PLB1: variants seen among roughly 807,000 people sequenced by gnomAD.
The protein encoded by PLB1 is phospholipase B1, membrane-associated.
A neutral mutation model predicts 227.4 loss-of-function variants in PLB1; 242 were observed. The observed-to-expected ratio is 1.06, with a 90% confidence interval of 0.96 to 1.18. The LOEUF is 1.18. PLB1 is among the 50% of genes most tolerant of loss of function. The probability of loss-of-function intolerance (pLI) is 0.00; values close to 1 mark genes in which losing one functional copy is unlikely to be tolerated. For synonymous variants in PLB1, 757 were observed against 682.2 expected (o/e 1.11, Z -1.71); for missense variants, 1,858 against 1,816.3 (o/e 1.02, Z -0.42).
At chr2:28,524,569 G>C (rs935697957) in intron 4 of PLB1, among the ~76,000 whole-genome samples, 1 of 152,176 alleles carries the variant, frequency 6.6e-6, no homozygotes, top group Non-Finnish European at 1.5e-5. Context: ...ACATAGTTAA[G>C]TACAAAATGG....
intron 39 of PLB1, 80 bp from the exon 40 acceptor site, chr2:28,603,886 C>A: frequency 1.5e-6 from 2 of 1,353,692 alleles, no homozygotes; most frequent in Non-Finnish European, 2.1e-6. Flanking sequence ...CTCCACCCCT[C>A]CCCTGAACCT....
chr2:28,601,438 A>G, intron 37 of PLB1, 106 bp downstream of exon 37: 1 of 810,782 alleles, frequency 1.2e-6, no homozygotes, highest in South Asian at 1.5e-5. Context: ...AGGATTATCC[A>G]CCTACACCTA....
intron 25 of PLB1, among the ~76,000 whole-genome samples, chr2:28,584,786 C>G (rs1015247314): frequency 1.3e-5 from 2 of 152,186 alleles, no homozygotes; most frequent in African/African-American, 2.4e-5. Context: ...ACCAAAAGCC[C>G]AGATGTGCCA....
At position 28,625,083 on chromosome 2, in the gene PLB1, T is replaced by A; in HGVS notation, c.3554T>A (p.Leu1185Gln). The change falls in exon 50 of 58, where the codon CTG becomes CAG. Residue 1185 changes from leucine (L) to glutamine (Q), a missense_variant. By Grantham distance (113) the Leu-to-Gln change is moderately radical. Transcript: ENST00000327757. ...GACATGCCAGCCCAGGCCTGGGACC[T>A]GGTAGAGCGAATGAAAAACAGCCCC... ...ARDMPAQAWD[L>Q]VERMKNSPDI... 1 of 1,613,484 alleles carries A rather than the reference T, an allele frequency of 6.2e-7. No homozygotes were observed. Among genetic ancestry groups the A allele is most frequent in the Non-Finnish European group, 8.5e-7 (1 of 1,179,648 alleles).
At chr2:28,576,165 G>T (rs1257978198) in intron 21 of PLB1, among the ~76,000 whole-genome samples, 1 of 152,190 alleles carries the variant, frequency 6.6e-6, no homozygotes, top group Non-Finnish European at 1.5e-5. Flanking sequence ...ATCCTGGGTG[G>T]CAGGGAAAAG....
chr2:28,617,037 G>A (rs2148321917), intron 44 of PLB1, among the ~76,000 whole-genome samples: 1 of 152,224 alleles, frequency 6.6e-6, no homozygotes, highest in Non-Finnish European at 1.5e-5. Flanking sequence ...TCATTTCTAT[G>A]CCCTCTGCTT....
Position 28,603,961 on chromosome 2 carries a change from T to A in PLB1, c.2775-5T>A, listed in dbSNP as rs188865586. 11 of 1,613,982 alleles carry A rather than the reference T, an allele frequency of 6.8e-6. No individual in the cohort carries two copies. The highest frequency in any genetic ancestry group is 1.7e-5 in the Admixed American group (1 of 60,026). ...GGGGCCTCCTGCCTCCCCCTCTTTG[T>A]GCAGCGTTTTGTGTAACTGCGTTCT... On this transcript the variant is annotated splice_region_variant and splice_polypyrimidine_tract_variant and intron_variant, in intron 39 of 57. Transcript: ENST00000327757.
At chr2:28,532,264 T>G (rs891330089) in intron 9 of PLB1, 70 bp downstream of exon 9, 88 of 1,265,162 alleles carry the variant, frequency 7.0e-5, no homozygotes, top group Non-Finnish European at 9.4e-5. Flanking sequence ...TAAACCTGCC[T>G]GATTACCCAA....
chr2:28,593,617 C>T (rs1682376843), intron 32 of PLB1, 64 bp from the exon 33 acceptor site: 2 of 1,393,258 alleles, frequency 1.4e-6, no homozygotes, highest in South Asian at 1.2e-5. Flanking sequence ...AAGCCCTGTG[C>T]ATTCACAGCC....
intron 1 of PLB1, among the ~76,000 whole-genome samples, chr2:28,499,111 G>C (rs908758786): frequency 1.4e-5 from 2 of 147,398 alleles, no homozygotes; most frequent in Non-Finnish European, 3.0e-5. Context: ...ATTTTGAAAT[G>C]TTTGTTATTG....
chr2:28,508,332 C>A (rs1298588179), intron 1 of PLB1, among the ~76,000 whole-genome samples: 2 of 152,204 alleles, frequency 1.3e-5, no homozygotes, highest in Non-Finnish European at 2.9e-5. Flanking sequence ...GTCAACCCAG[C>A]TACCTCAGAA....
intron 12 of PLB1, among the ~76,000 whole-genome samples, chr2:28,541,418 G>C (rs73922152): frequency 6.6e-6 from 1 of 152,152 alleles, no homozygotes; most frequent in African/African-American, 2.4e-5. Flanking sequence ...GAGAGCAGGG[G>C]GCCCTGCCAC....
chr2:28,581,486 AAAATAAATAAATAAATAAATAAATAAAT>A (rs565442462), intron 23 of PLB1, among the ~76,000 whole-genome samples: 3 of 111,160 alleles, frequency 2.7e-5, no homozygotes, highest in African/African-American at 8.3e-5. Flanking sequence ...TCCACGCAAA[AAAATAAATAAATAAATAAATAAATAAAT>A]AAATAAATAA....
intron 14 of PLB1, chr2:28,548,585 C>A: frequency 2.2e-6 from 1 of 454,280 alleles, no homozygotes. Flanking sequence ...GAAGTCCCTT[C>A]TATATATATA....
chr2:28,610,775 G>A (rs1195948754), intron 43 of PLB1, among the ~76,000 whole-genome samples: 1 of 152,114 alleles, frequency 6.6e-6, no homozygotes, highest in Non-Finnish European at 1.5e-5. Flanking sequence ...ACTGACTCAC[G>A]TTGCTGACTC....
intron 19 of PLB1, 79 bp from the exon 20 acceptor site, chr2:28,566,717 G>A (rs182216115): frequency 2.6e-6 from 4 of 1,509,856 alleles, no homozygotes; most frequent in East Asian, 4.5e-5. Context: ...GGAGACGGGC[G>A]TTTCTGGCTA....
chr2:28,590,761 A>G (rs1681766574), intron 29 of PLB1, among the ~76,000 whole-genome samples: 1 of 152,052 alleles, frequency 6.6e-6, no homozygotes. Context: ...AGGGTGGGGT[A>G]GGCATGGAGT....
intron 17 of PLB1, among the ~76,000 whole-genome samples, chr2:28,555,639 T>C (rs946137578): frequency 1.1e-4 from 16 of 152,204 alleles, no homozygotes; most frequent in African/African-American, 3.9e-4. Flanking sequence ...GAGGAGATCA[T>C]CTTATCTTTA....
chr2:28,601,291 C>T lies in PLB1; in HGVS notation c.2566C>T (p.Leu856=), dbSNP rs757378897. 3.7e-6 allele frequency: 6 copies of T among 1,614,126 alleles called. No homozygotes were observed. The highest frequency in any genetic ancestry group is 3.3e-5 in the South Asian group (3 of 91,076). ...TGAAGACTGGAAGGTCATCACAGTGCTGATCGGAGGCAGCGATTTATGTGA... is the reference window on the plus strand; with the variant it reads ...TGAAGACTGGAAGGTCATCACAGTGTTGATCGGAGGCAGCGATTTATGTGA... The part of the protein sequence containing the change: ...FHEDWKVITV[L]IGGSDLCDYC... Residue 856 remains leucine (L), a synonymous_variant, in exon 37 of 58, where the codon CTG becomes TTG. Coordinates refer to ENST00000327757, the MANE Select transcript of PLB1 (RefSeq NM_153021.5).
Sources: allele counts gnomAD v4.1 joint callset (sites outside exome capture counted in the v4.1 genomes callset), GRCh38; gene constraint gnomAD v4.1.1; transcripts MANE v1.5; gene names NCBI Gene and HGNC (gene_info 2026-07-23, HGNC 2026-07-21).